PRRC1: variants seen among roughly 807,000 people sequenced by gnomAD.
The protein encoded by PRRC1 is proline rich coiled-coil 1.
PRRC1 carries 39 observed loss-of-function variants against 40.7 expected under a neutral mutation model. The observed-to-expected ratio is 0.96, with a 90% CI of 0.74 to 1.25. PRRC1 has a LOEUF of 1.25. PRRC1 is among the 50% of genes most tolerant of loss of function. The pLI is 0.00. For synonymous variants in PRRC1, 175 were observed against 193.3 expected (o/e 0.91, Z 0.79); for missense variants, 573 against 548.3 (o/e 1.05, Z -0.45).
intron 1 of PRRC1, among the ~76,000 whole-genome samples, chr5:127,520,174 T>C (rs953477148): frequency 6.6e-6 from 1 of 152,262 alleles, no homozygotes; most frequent in African/African-American, 2.4e-5. Context: ...CTTCATGCTA[T>C]ATGCCAGTAG....
chr5:127,539,187 C>G (rs1278720807), intron 7 of PRRC1, 44 bp downstream of exon 7: 3 of 1,476,862 alleles, frequency 2.0e-6, no homozygotes, highest in Non-Finnish European at 1.9e-6. Flanking sequence ...ATAATTGGGT[C>G]TGGGAGTTGA....
intron 6 of PRRC1, among the ~76,000 whole-genome samples, chr5:127,534,905 C>G (rs577963313): frequency 3.9e-5 from 6 of 152,220 alleles, no homozygotes; most frequent in Non-Finnish European, 8.8e-5. Context: ...CAGTTCTAGC[C>G]TTCCGTTTTC....
intron 7 of PRRC1, among the ~76,000 whole-genome samples, chr5:127,543,162 G>C (rs964246589): frequency 1.6e-4 from 24 of 152,218 alleles, no homozygotes; most frequent in African/African-American, 5.8e-4. Flanking sequence ...GAAATTCTGG[G>C]TTGAAAATTC....
chr5:127,537,709 G>A (rs986825318), intron 6 of PRRC1, among the ~76,000 whole-genome samples: 1 of 151,912 alleles, frequency 6.6e-6, no homozygotes, highest in African/African-American at 2.4e-5. Flanking sequence ...ATGAATCTCT[G>A]TACATCTTAC....
rs1232895189 is a variant in PRRC1 at position 127,523,522 on chromosome 5, C to T, written c.43C>T (p.Pro15Ser). 2.5e-6 allele frequency: 4 copies of T among 1,613,038 alleles called. No homozygotes were observed. The African/African-American group carries it at 5.3e-5, about 22-fold the overall frequency. The change falls in exon 2 of 9, where the codon CCT becomes TCT. Residue 15 changes from proline to serine, a missense_variant. Coordinates refer to ENST00000296666, the MANE Select transcript of PRRC1 (RefSeq NM_130809.5). ...AATAGAGACAACACCACCTGGGACTCCTCCACCAAATCCTGCAGGGCTGGC... is the reference window on the plus strand; with the variant it reads ...AATAGAGACAACACCACCTGGGACTTCTCCACCAAATCCTGCAGGGCTGGC... ...SGIETTPPGT[P>S]PPNPAGLAAT...
intron 7 of PRRC1, among the ~76,000 whole-genome samples, chr5:127,539,692 G>A (rs1250396162): frequency 6.6e-6 from 1 of 151,886 alleles, no homozygotes; most frequent in Non-Finnish European, 1.5e-5. Flanking sequence ...ACCTTCTTTT[G>A]TATTTGCATT....
At position 127,526,711 on chromosome 5, in the gene PRRC1, A is replaced by G. The variant is rs769721854; in HGVS notation, c.587A>G (p.Gln196Arg). The G allele has an allele frequency of 6.2e-7, 1 of 1,613,642 alleles. No individual in the cohort carries two copies. The highest frequency in any genetic ancestry group is 1.1e-5 in the South Asian group (1 of 91,004). Residue 196 changes from glutamine to arginine, a missense_variant, in exon 4 of 9, where the codon CAA (glutamine) becomes CGA (arginine). Gln to Arg is a conservative substitution (Grantham distance 43). Coordinates refer to ENST00000296666, the MANE Select transcript of PRRC1 (RefSeq NM_130809.5). Reference sequence around the variant, plus strand: ...TCAGCCATTACTTTCCCAGAGGAGCAAGAAGACCCTAGAATTACTAGAGGT... The same window carrying G: ...TCAGCCATTACTTTCCCAGAGGAGCGAGAAGACCCTAGAATTACTAGAGGT... ...TTSAITFPEE[Q>R]EDPRITRGQD...
intron 1 of PRRC1, among the ~76,000 whole-genome samples, chr5:127,518,334 C>G (rs1767370469): frequency 1.3e-5 from 2 of 152,234 alleles, no homozygotes; most frequent in African/African-American, 4.8e-5. Flanking sequence ...CGGTGCTTAG[C>G]GCCGCTTGGG....
At chr5:127,550,401 G>A (rs759203937) in intron 8 of PRRC1, 1 of 151,756 alleles carries the variant, frequency 6.6e-6, no homozygotes, top group African/African-American at 2.4e-5. Context: ...AGCCCTTCAG[G>A]TAATTAGAAT....
intron 5 of PRRC1, 58 bp downstream of exon 5, chr5:127,530,454 C>G: frequency 9.5e-7 from 1 of 1,052,826 alleles, no homozygotes; most frequent in Middle Eastern, 2.0e-4. Flanking sequence ...ATGTCCACAT[C>G]AGCCACTAAT....
intron 7 of PRRC1, among the ~76,000 whole-genome samples, chr5:127,542,562 A>G (rs1212234903): frequency 1.3e-5 from 2 of 150,634 alleles, no homozygotes; most frequent in Non-Finnish European, 1.5e-5. Context: ...GTGCTCCTGT[A>G]TTGGGTGCAT....
intron 1 of PRRC1, 36 bp from the exon 2 acceptor site, chr5:127,523,424 C>A: frequency 1.0e-6 from 1 of 995,392 alleles, no homozygotes; most frequent in Non-Finnish European, 1.5e-6. Flanking sequence ...CTTTTGGTTA[C>A]TGTGTAATAT....
At chr5:127,547,506 T>C (rs920066094) in intron 7 of PRRC1, among the ~76,000 whole-genome samples, 8 of 152,046 alleles carry the variant, frequency 5.3e-5, no homozygotes, top group African/African-American at 1.4e-4. Flanking sequence ...ATTCAATGTA[T>C]GTAAATTTAC....
rs1767627316 is a variant in PRRC1, at chr5:127,526,720, C to G, written c.596C>G (p.Pro199Arg). The change falls in exon 4 of 9, where the codon CCT (proline) becomes CGT (arginine). Residue 199 changes from proline (P) to arginine (R), a missense_variant. By Grantham distance (103) the Pro-to-Arg change is moderately radical. Coordinates refer to ENST00000296666, the MANE Select transcript of PRRC1 (RefSeq NM_130809.5). ...ACTTTCCCAGAGGAGCAAGAAGACCCTAGAATTACTAGAGGTCAGGATGAA... is the reference window on the plus strand; with the variant it reads ...ACTTTCCCAGAGGAGCAAGAAGACCGTAGAATTACTAGAGGTCAGGATGAA... ...AITFPEEQED[P>R]RITRGQDEAS... 2 of 1,613,148 alleles carry G rather than the reference C, an allele frequency of 1.2e-6. No individual in the cohort carries two copies. The highest frequency in any genetic ancestry group is 1.7e-6 in the Non-Finnish European group (2 of 1,179,452).
Position 127,526,658 on chromosome 5 carries a change from A to C in PRRC1, c.534A>C (p.Thr178=). ...PTPITQQASL[T]SLAQGTGTTS... is the part of the protein sequence containing the mutation. The stretch of plus-strand genomic sequence containing the variant: ...CTATTACTCAGCAAGCCAGTTTGAC[A>C]TCTCTGGCACAGGGAACTGGAACCA... The change falls in exon 4 of 9, where the codon ACA becomes ACC. Residue 178 remains threonine, a synonymous_variant. Coordinates refer to ENST00000296666, the MANE Select transcript of PRRC1 (RefSeq NM_130809.5). The C allele has an allele frequency of 6.2e-7, 1 of 1,613,204 alleles. No homozygotes were observed. The highest frequency in any genetic ancestry group is 8.5e-7 in the Non-Finnish European group (1 of 1,179,540).
At chr5:127,526,835 C>A in intron 4 of PRRC1, 57 bp downstream of exon 4, 4 of 1,324,928 alleles carry the variant, frequency 3.0e-6, no homozygotes, top group Admixed American at 2.7e-5. Context: ...AATAGATATT[C>A]ATTAGAGAAA....
chr5:127,553,768 T>C lies in PRRC1; in HGVS notation c.*1852T>C, dbSNP rs1424215722. 6.5e-7 allele frequency: 1 copy of C among 1,533,854 alleles called. No individual in the cohort carries two copies. The highest frequency in any genetic ancestry group is 2.0e-5 in the Admixed American group (1 of 50,634). ...TTTGATGTTTTGAGAATTGTTCTCA[T>C]AGAATCACAAATACTGACATTTCAT... On this transcript the variant is annotated 3_prime_UTR_variant, in exon 9 of 9. Transcript: ENST00000296666.
chr5:127,524,719 A>G lies in PRRC1; in HGVS notation c.292A>G (p.Thr98Ala), dbSNP rs187140580. The G allele has an allele frequency of 2.0e-4, 323 of 1,613,942 alleles. 1 individual carries two copies. The highest frequency in any genetic ancestry group is 1.8e-5 in the Non-Finnish European group (21 of 1,179,990). ...TSMPPPVSPS[T>A]AAAFGNPPVS... The stretch of plus-strand genomic sequence containing the variant: ...TATGCCACCTCCTGTTTCTCCATCA[A>G]CTGCTGCTGCCTTCGGTAATCCTCC... Residue 98 changes from threonine to alanine, a missense_variant, in exon 3 of 9, where the codon ACT becomes GCT. By Grantham distance (58) the Thr-to-Ala change is moderately conservative. Coordinates refer to ENST00000296666, the MANE Select transcript of PRRC1 (RefSeq NM_130809.5).
At chr5:127,545,364 A>G (rs1381366174) in intron 7 of PRRC1, among the ~76,000 whole-genome samples, 2 of 152,108 alleles carry the variant, frequency 1.3e-5, no homozygotes, top group African/African-American at 4.8e-5. Context: ...ACTATTCCCA[A>G]TAGCAAAGAC....
Sources: allele counts gnomAD v4.1 joint callset (sites outside exome capture counted in the v4.1 genomes callset), GRCh38; gene constraint gnomAD v4.1.1; transcripts MANE v1.5; gene names NCBI Gene and HGNC (gene_info 2026-07-23, HGNC 2026-07-21).